The following ZNF33B variants were observed in gnomAD, a reference collection of about 807,000 sequenced individuals.
ZNF33B encodes the protein zinc finger protein 11b (KOX 2).
Under a neutral mutation model 45.8 loss-of-function variants are expected in ZNF33B, and 29 were observed. The ratio of observed to expected loss-of-function variants is 0.63; its 90% confidence interval spans 0.47 to 0.86. The LOEUF is 0.86. Among genes scored for constraint, ZNF33B ranks in the 40% least tolerant of loss-of-function variants. The pLI, the probability that ZNF33B is intolerant of heterozygous loss-of-function variation, is 0.00. For missense variants in ZNF33B, 831 were observed against 909.9 expected (o/e 0.91, Z 1.12); for synonymous variants, 305 against 307.8 (o/e 0.99, Z 0.10).
At chr10:42,629,245 C>T (rs1245251361) in intron 4 of ZNF33B, among the ~76,000 whole-genome samples, 4 of 151,652 alleles carry the variant, frequency 2.6e-5, no homozygotes, top group Non-Finnish European at 4.4e-5. Context: ...AACAACTGAA[C>T]TCATGGAGAT....
At chr10:42,633,970 C>CA (rs35796832) in intron 2 of ZNF33B, among the ~76,000 whole-genome samples, 6 of 141,630 alleles carry the variant, frequency 4.2e-5, no homozygotes, top group Non-Finnish European at 9.3e-5. Context: ...AACTCCATCT[C>CA]AAAAAAAAAA....
At chr10:42,610,872 T>G (rs2132093400) in intron 4 of ZNF33B, among the ~76,000 whole-genome samples, 1 of 152,308 alleles carries the variant, frequency 6.6e-6, no homozygotes, top group East Asian at 1.9e-4. Flanking sequence ...AAGTAGAAAG[T>G]TAGAAGACAT....
Position 42,593,011 on chromosome 10 carries a change from A to C in ZNF33B, c.1939T>G (p.Cys647Gly). ...YECNECGKAF[C>G]HKSALIVHQR... ...TGTACAATTAGAGCTGACTTATGGC[A>C]GAAAGCTTTTCCACACTCATTACAT... Residue 647 changes from cysteine to glycine, a missense_variant, in exon 5 of 5, where the codon TGC (cysteine) becomes GGC (glycine). Transcript: ENST00000359467. 6.2e-7 allele frequency: 1 copy of C among 1,614,108 alleles called. No individual in the cohort carries two copies. Among genetic ancestry groups the C allele is most frequent in the Non-Finnish European group, 8.5e-7 (1 of 1,179,986 alleles).
chr10:42,634,518 G>GA (rs1839201564), intron 2 of ZNF33B, among the ~76,000 whole-genome samples: 1 of 152,122 alleles, frequency 6.6e-6, no homozygotes, highest in Non-Finnish European at 1.5e-5. Flanking sequence ...AAGGAACTAG[G>GA]AAGAGCCAGG....
chr10:42,620,853 CA>C (rs1332519014), intron 4 of ZNF33B, among the ~76,000 whole-genome samples: 1 of 151,980 alleles, frequency 6.6e-6, no homozygotes, highest in Non-Finnish European at 1.5e-5. Context: ...TAATTTCACT[CA>C]AAATAGATTA....
At chr10:42,605,726 T>G (rs563801790) in intron 4 of ZNF33B, among the ~76,000 whole-genome samples, 52 of 152,302 alleles carry the variant, frequency 3.4e-4, no homozygotes, top group African/African-American at 1.2e-3. Flanking sequence ...CTACCCAATT[T>G]AATAAGCAAA....
intron 1 of ZNF33B, chr10:42,583,118 A>C: frequency 2.6e-6 from 2 of 780,484 alleles, no homozygotes; most frequent in Non-Finnish European, 4.6e-6. Context: ...TGAACACCTC[A>C]GGGGCCTGGG....
At chr10:42,575,804 C>A (rs1232572049) in intron 1 of ZNF33B, among the ~76,000 whole-genome samples, 4 of 150,876 alleles carry the variant, frequency 2.7e-5, no homozygotes, top group African/African-American at 9.7e-5. Context: ...AATCTCAGCT[C>A]ACCACGACAT....
intron 4 of ZNF33B, among the ~76,000 whole-genome samples, chr10:42,595,222 G>T (rs1446840292): frequency 1.3e-5 from 2 of 152,176 alleles, no homozygotes; most frequent in Non-Finnish European, 2.9e-5. Flanking sequence ...AGAGGAGACA[G>T]ACAGCCCAGA....
chr10:42,598,379 T>A (rs1262177392), intron 4 of ZNF33B, among the ~76,000 whole-genome samples: 1 of 151,878 alleles, frequency 6.6e-6, no homozygotes, highest in East Asian at 1.9e-4. Context: ...TTCATGAGTT[T>A]GCTGCTGCTG....
At position 42,596,886 on chromosome 10, in the gene ZNF33B, A is replaced by T. The variant is rs114420352; in HGVS notation, c.251-2187T>A. On this transcript the variant is annotated intron_variant, in intron 4 of 4. Transcript: ENST00000359467. ...AATCATATCTTTTGTGAATAAAGAC[A>T]TTTCTACTTCTTTTCCACTCTAGTC... Among the ~76,000 whole-genome samples, 926 of 151,986 alleles carry T rather than the reference A, an allele frequency of 6.1e-3. 6 individuals carry two copies. The highest frequency in any genetic ancestry group is 0.02 in the African/African-American group (837 of 41,482).
At chr10:42,605,302 A>C (rs1366433012) in intron 4 of ZNF33B, 1 of 151,834 alleles carries the variant, frequency 6.6e-6, no homozygotes, top group Non-Finnish European at 1.5e-5. Flanking sequence ...AAACTTGCAA[A>C]TCTGTTGACG....
chr10:42,629,031 C>A (rs1838933032), intron 4 of ZNF33B, among the ~76,000 whole-genome samples: 1 of 152,112 alleles, frequency 6.6e-6, no homozygotes, highest in African/African-American at 2.4e-5. Context: ...GCACTGTTCA[C>A]AAGAGCTAAG....
intron 2 of ZNF33B, among the ~76,000 whole-genome samples, chr10:42,633,431 C>T (rs1368495603): frequency 6.6e-6 from 1 of 152,060 alleles, no homozygotes; most frequent in Non-Finnish European, 1.5e-5. Flanking sequence ...CTATTGAGAA[C>T]AGCAAAGGAC....
intron 4 of ZNF33B, among the ~76,000 whole-genome samples, chr10:42,601,908 C>CTTTTTT: frequency 1.3e-5 from 1 of 75,366 alleles, no homozygotes; most frequent in Non-Finnish European, 2.5e-5. Flanking sequence ...ATGTGATATT[C>CTTTTTT]TTTTTTTTTT....
chr10:42,624,243 C>T (rs1445130538), intron 4 of ZNF33B, among the ~76,000 whole-genome samples: 1 of 152,206 alleles, frequency 6.6e-6, no homozygotes, highest in African/African-American at 2.4e-5. Context: ...TCTCCAAACA[C>T]CACCACACTA....
intron 4 of ZNF33B, among the ~76,000 whole-genome samples, chr10:42,614,943 A>T (rs571572674): frequency 6.6e-6 from 1 of 152,138 alleles, no homozygotes; most frequent in Non-Finnish European, 1.5e-5. Context: ...ACAGAGCGAG[A>T]TTCCATCTCA....
Position 42,593,197 on chromosome 10 carries a change from C to T in ZNF33B, c.1753G>A (p.Glu585Lys), listed in dbSNP as rs745329651. The T allele has an allele frequency of 2.4e-5, 38 of 1,613,616 alleles. No individual in the cohort carries two copies. In the East Asian group the frequency reaches 8.5e-4, roughly 36 times the overall value. The change falls in exon 5 of 5, where the codon GAA becomes AAA. Residue 585 changes from glutamate (E) to lysine (K), a missense_variant. Coordinates refer to ENST00000359467, the MANE Select transcript of ZNF33B (RefSeq NM_006955.3). ...TTATTGTAAAAGATTTTTCCACATT[C>T]ATGACATTCATAGGGTTTCTCCCCC... ...HTGEKPYECH[E>K]CGKIFYNKSY...
intron 1 of ZNF33B, among the ~76,000 whole-genome samples, chr10:42,576,420 C>T (rs1249074963): frequency 6.6e-6 from 1 of 152,122 alleles, no homozygotes; most frequent in Non-Finnish European, 1.5e-5. Context: ...GGGGAGATGC[C>T]TCCGTGTGCA....
Sources: allele counts gnomAD v4.1 joint callset (sites outside exome capture counted in the v4.1 genomes callset), GRCh38; gene constraint gnomAD v4.1.1; transcripts MANE v1.5; gene names NCBI Gene and HGNC (gene_info 2026-07-23, HGNC 2026-07-21).